SLC24A4: variants seen among roughly 807,000 people sequenced by gnomAD.
SLC24A4 encodes sodium/potassium/calcium exchanger 4.
A neutral mutation model predicts 79.0 loss-of-function variants in SLC24A4; 53 were observed. The observed-to-expected ratio is 0.67, with a 90% CI of 0.54 to 0.84. SLC24A4 has a LOEUF of 0.84. Among genes scored for constraint, SLC24A4 ranks in the 40% least tolerant of loss-of-function variants. The probability of loss-of-function intolerance (pLI) is 0.00; values close to 1 mark genes in which losing one functional copy is unlikely to be tolerated. For missense variants in SLC24A4, 731 were observed against 822.0 expected, an observed-to-expected ratio of 0.89 and a Z score of 1.35; for synonymous variants, 323 against 323.8, an observed-to-expected ratio of 1.00 and a Z score of 0.03.
At chr14:92,338,590 A>G (rs1302383733) in intron 2 of SLC24A4, among the ~76,000 whole-genome samples, 1 of 152,164 alleles carries the variant, frequency 6.6e-6, no homozygotes, top group Admixed American at 6.5e-5. Context: ...GGTTTATCTC[A>G]TTTCACACTA....
intron 2 of SLC24A4, among the ~76,000 whole-genome samples, chr14:92,342,780 C>T (rs1436331600): frequency 1.3e-5 from 2 of 152,242 alleles, no homozygotes; most frequent in African/African-American, 4.8e-5. Flanking sequence ...TGCCCTTGGA[C>T]TCCACCTGCT....
At chr14:92,418,823 T>G (rs962144537) in intron 2 of SLC24A4, among the ~76,000 whole-genome samples, 1 of 152,208 alleles carries the variant, frequency 6.6e-6, no homozygotes, top group African/African-American at 2.4e-5. Context: ...TGCATCAGCC[T>G]CCTGAGTAGC....
At chr14:92,324,325 G>T (rs1884992011) in intron 1 of SLC24A4, among the ~76,000 whole-genome samples, 1 of 152,242 alleles carries the variant, frequency 6.6e-6, no homozygotes, top group Admixed American at 6.5e-5. Context: ...TGAGTGGCCC[G>T]CTTTCCTATT....
intron 2 of SLC24A4, among the ~76,000 whole-genome samples, chr14:92,432,294 T>C (rs554297109): frequency 6.6e-6 from 1 of 152,340 alleles, no homozygotes; most frequent in East Asian, 1.9e-4. Context: ...GGTCAGGTGA[T>C]ATGTCCCCAG....
chr14:92,328,635 C>T (rs1014852414), intron 2 of SLC24A4, among the ~76,000 whole-genome samples: 7 of 152,232 alleles, frequency 4.6e-5, no homozygotes, highest in East Asian at 1.9e-4. Flanking sequence ...TCTTCTAGCA[C>T]GGGAAGGTGG....
chr14:92,356,835 G>A (rs552834442), intron 2 of SLC24A4, among the ~76,000 whole-genome samples: 24 of 152,340 alleles, frequency 1.6e-4, no homozygotes, highest in African/African-American at 5.8e-4. Flanking sequence ...TCACACACAT[G>A]TGACAGCTTC....
intron 12 of SLC24A4, among the ~76,000 whole-genome samples, chr14:92,469,269 G>C (rs1595338016): frequency 6.6e-6 from 1 of 152,224 alleles, no homozygotes; most frequent in African/African-American, 2.4e-5. Flanking sequence ...AGCACTTTGG[G>C]AGACCGAGGT....
intron 2 of SLC24A4, among the ~76,000 whole-genome samples, chr14:92,430,235 T>C (rs1249917179): frequency 6.6e-6 from 1 of 152,210 alleles, no homozygotes; most frequent in Non-Finnish European, 1.5e-5. Context: ...CGTCAGGGTC[T>C]CATCCAGCCA....
At chr14:92,326,947 C>T (rs1373267264) in intron 2 of SLC24A4, among the ~76,000 whole-genome samples, 3 of 152,022 alleles carry the variant, frequency 2.0e-5, no homozygotes, top group Admixed American at 6.6e-5. Context: ...TAAAAGGAGA[C>T]GGAGCTCCAG....
At chr14:92,438,094 G>A (rs1892273740) in intron 3 of SLC24A4, among the ~76,000 whole-genome samples, 1 of 152,032 alleles carries the variant, frequency 6.6e-6, no homozygotes, top group Non-Finnish European at 1.5e-5. Context: ...TAGAGACAGC[G>A]GCAGCTCCCA....
In SLC24A4 at chr14:92,474,669, A is replaced by G. The variant is rs369699508; in HGVS notation, c.1256-8011A>G. ...CCAGCTAATTTTTGTGTGTGTGTGTATATATATATATACACATATATATGT... is the reference window on the plus strand; with the variant it reads ...CCAGCTAATTTTTGTGTGTGTGTGTGTATATATATATACACATATATATGT... On this transcript the variant is annotated intron_variant, in intron 12 of 16. Coordinates refer to ENST00000532405, the MANE Select transcript of SLC24A4 (RefSeq NM_153646.4). 6.1e-3 allele frequency among the ~76,000 whole-genome samples: 13 copies of G among 2,122 alleles called. No homozygotes were observed. In the Non-Finnish European group the frequency reaches 0.093, roughly 15 times the overall value. The allele number at this position is 2,122 out of a possible 152,430, so 1.4% of individuals were successfully genotyped here. A position where few individuals can be genotyped will look rare whatever the true frequency, so the allele number is the denominator to read the frequency against.
At chr14:92,328,487 G>A (rs1045122244) in intron 2 of SLC24A4, among the ~76,000 whole-genome samples, 4 of 152,238 alleles carry the variant, frequency 2.6e-5, no homozygotes, top group African/African-American at 9.6e-5. Flanking sequence ...GGGACTAGAT[G>A]AGGCAGGGCC....
In SLC24A4 at chr14:92,371,016, A is replaced by G. The variant is rs371682537; in HGVS notation, c.241+45038A>G. Among the ~76,000 whole-genome samples, 6 of 152,334 alleles carry G rather than the reference A, an allele frequency of 3.9e-5. No individual in the cohort carries two copies. In the East Asian group the frequency reaches 1.2e-3, roughly 29 times the overall value. ...CTCCAATCAAGTATTGATACAAGAG[A>G]TAGAAAGAAATTATTTAGACAGATA... On this transcript the variant is annotated intron_variant, in intron 2 of 16. Coordinates refer to ENST00000532405, the MANE Select transcript of SLC24A4 (RefSeq NM_153646.4).
In SLC24A4 at chr14:92,441,794, T is replaced by C. The variant is rs141627893; in HGVS notation, c.394-295T>C. 1.5e-4 allele frequency among the ~76,000 whole-genome samples: 23 copies of C among 152,174 alleles called. No individual in the cohort carries two copies. The highest frequency in any genetic ancestry group is 2.4e-4 in the Non-Finnish European group (16 of 67,994). Reference sequence around the variant, plus strand: ...TCTGAGGGAAGTGGCTAGCTCTGAGTGGATGCCTAGGAAGACTTCATCAGG... The same window carrying C: ...TCTGAGGGAAGTGGCTAGCTCTGAGCGGATGCCTAGGAAGACTTCATCAGG... On this transcript the variant is annotated intron_variant, in intron 4 of 16. Transcript: ENST00000532405. This position sits in a 1 kb window ranked among gnomAD's most constrained non-coding sequence, Gnocchi z 4.6.
intron 12 of SLC24A4, among the ~76,000 whole-genome samples, chr14:92,465,647 C>T: frequency 6.6e-6 from 1 of 152,180 alleles, no homozygotes; most frequent in East Asian, 1.9e-4. Context: ...ACGAGGGCAG[C>T]TGCTTCAGCG....
At chr14:92,476,600 A>T (rs1894781033) in intron 12 of SLC24A4, among the ~76,000 whole-genome samples, 1 of 152,164 alleles carries the variant, frequency 6.6e-6, no homozygotes, top group African/African-American at 2.4e-5. Flanking sequence ...TCATAAACTA[A>T]TTCGTGGTTT....
At chr14:92,460,323 CA>C (rs1893728757) in intron 12 of SLC24A4, among the ~76,000 whole-genome samples, 1 of 152,156 alleles carries the variant, frequency 6.6e-6, no homozygotes, top group Non-Finnish European at 1.5e-5. Context: ...ATCTGAGTAG[CA>C]AATCAGATAC....
At chr14:92,373,429 C>G (rs1338532210) in intron 2 of SLC24A4, among the ~76,000 whole-genome samples, 2 of 152,174 alleles carry the variant, frequency 1.3e-5, no homozygotes, top group Non-Finnish European at 2.9e-5. Context: ...TGAGCTGAGA[C>G]AGGCACCTAA....
chr14:92,430,620 G>A (rs1891813947), intron 2 of SLC24A4, among the ~76,000 whole-genome samples: 1 of 152,212 alleles, frequency 6.6e-6, no homozygotes, highest in South Asian at 2.1e-4. Flanking sequence ...GAGGACACCT[G>A]GGTGTGTCCA....
Sources: gnomAD v4.1 joint callset for allele counts (sites outside exome capture counted in the v4.1 genomes callset) on GRCh38, gnomAD v4.1.1 for gene constraint, Gnocchi (gnomAD v3.1) non-coding constraint, MANE v1.5 for transcripts, NCBI Gene and HGNC (gene_info 2026-07-23, HGNC 2026-07-21) for gene names.